The following UGT1A9 variants were observed in gnomAD, a reference collection of about 807,000 sequenced individuals.
UGT1A9 encodes the protein UDP-glucuronosyltransferase 1A9.
Under a neutral mutation model 45.0 loss-of-function variants are expected in UGT1A9, and 35 were observed. The ratio of observed to expected loss-of-function variants is 0.78; its 90% confidence interval spans 0.59 to 1.03. The LOEUF is 1.03. Among genes scored for constraint, UGT1A9 ranks in the 50% least tolerant of loss-of-function variants. UGT1A9 has a pLI of 0.00. For synonymous variants in UGT1A9, 278 were observed against 250.6 expected, an observed-to-expected ratio of 1.11 and a Z score of -1.03; for missense variants, 687 against 666.6, an observed-to-expected ratio of 1.03 and a Z score of -0.34.
chr2:233,755,108 C>T lies in UGT1A9; in HGVS notation c.856-11926C>T, dbSNP rs1275990290. ...CGCGTTTCTACGCGTCCGACAACAC[C>T]TCGTAGGCCTCAGCCACCTGCTTGA... On this transcript the variant is annotated intron_variant, in intron 1 of 4. Transcript: ENST00000354728. 8 of 1,333,390 alleles carry T rather than the reference C, an allele frequency of 6.0e-6. No individual in the cohort carries two copies. In the Admixed American group the frequency reaches 9.5e-5, roughly 16 times the overall value. The allele number at this position is 1,333,390 out of a possible 1,614,324, so 82.6% of individuals were successfully genotyped here. A position where few individuals can be genotyped will look rare whatever the true frequency, so the allele number is the denominator to read the frequency against.
At chr2:233,693,979 G>C (rs888825187) in intron 1 of UGT1A9, 14 of 1,559,440 alleles carry the variant, frequency 9.0e-6, no homozygotes, top group Non-Finnish European at 1.2e-5. Flanking sequence ...AGAAACGGTG[G>C]GGGGAAGTGA....
chr2:233,689,577 A>C (rs1345310099), intron 1 of UGT1A9, among the ~76,000 whole-genome samples: 5 of 152,206 alleles, frequency 3.3e-5, no homozygotes, highest in African/African-American at 4.8e-5. Flanking sequence ...TCTGATTTGC[A>C]ATTAGCTAAG....
rs2077300002 is a variant in UGT1A9 at position 233,724,705 on chromosome 2, G to T, written c.856-42329G>T. On this transcript the variant is annotated intron_variant, in intron 1 of 4. Transcript: ENST00000354728. The stretch of plus-strand genomic sequence containing the variant: ...TGGCGGCCGGGTGAAGACGCTCCTC[G>T]CTTTCCAGACTGGGCAGCCAGGCAG... 1.4e-5 allele frequency among the ~76,000 whole-genome samples: 2 copies of T among 143,500 alleles called. 1 individual carries two copies. Among genetic ancestry groups the T allele is most frequent in the South Asian group, 5.0e-4 (2 of 3,986 alleles). 94.1% of individuals were successfully genotyped at this position (143,500 alleles called of 152,430 possible).
intron 1 of UGT1A9, among the ~76,000 whole-genome samples, chr2:233,738,330 C>T (rs1690764718): frequency 6.6e-6 from 1 of 152,132 alleles, no homozygotes; most frequent in Admixed American, 6.5e-5. Context: ...TGGACTAATA[C>T]AGTAAATTGG....
intron 1 of UGT1A9, among the ~76,000 whole-genome samples, chr2:233,757,344 G>C (rs1023299797): frequency 6.6e-6 from 1 of 150,900 alleles, no homozygotes; most frequent in Non-Finnish European, 1.5e-5. Flanking sequence ...ATGACAGCTG[G>C]GTCTGAGAGA....
At chr2:233,712,927 GA>G in intron 1 of UGT1A9, 25 of 1,612,018 alleles carry the variant, frequency 1.6e-5, no homozygotes, top group Non-Finnish European at 2.0e-5. Flanking sequence ...TAATTAAGAC[GA>G]AGGAAACAAT....
intron 1 of UGT1A9, chr2:233,760,404 C>T (rs1211296854): frequency 1.2e-6 from 2 of 1,614,220 alleles, no homozygotes; most frequent in Non-Finnish European, 8.5e-7. Flanking sequence ...ATGGCAGCCA[C>T]TGGCTGAGCA....
intron 1 of UGT1A9, chr2:233,722,130 G>A (rs1389703029): frequency 1.7e-5 from 3 of 173,394 alleles, no homozygotes; most frequent in African/African-American, 7.1e-5. Context: ...CATTAGTAGA[G>A]TTTAAGACTC....
intron 1 of UGT1A9, among the ~76,000 whole-genome samples, chr2:233,684,688 G>A (rs576173174): frequency 6.6e-6 from 1 of 152,146 alleles, no homozygotes; most frequent in South Asian, 2.1e-4. Context: ...AGGATTTATA[G>A]ATGTGGAAGG....
chr2:233,676,365 C>A (rs544333325), intron 1 of UGT1A9, among the ~76,000 whole-genome samples: 1 of 152,146 alleles, frequency 6.6e-6, no homozygotes, highest in Non-Finnish European at 1.5e-5. Flanking sequence ...AGGATTATAG[C>A]AAGGTTACAA....
In UGT1A9 at chr2:233,772,305, C is replaced by T. The variant is rs201427749; in HGVS notation, c.1339C>T (p.Arg447Cys). Reference protein sequence around the residue: ...IMRLSSLHKDRPVEPLDLAVF... With the variant: ...IMRLSSLHKDCPVEPLDLAVF... Reference sequence around the variant, plus strand: ...GCGCCTCTCCAGCCTTCACAAGGACCGCCCGGTGGAGCCGCTGGACCTGGC... The same window carrying T: ...GCGCCTCTCCAGCCTTCACAAGGACTGCCCGGTGGAGCCGCTGGACCTGGC... Residue 447 changes from arginine to cysteine, a missense_variant, in exon 5 of 5, where the codon CGC (arginine) becomes TGC (cysteine). Physicochemically the swap from Arg to Cys is radical, Grantham distance 180. Transcript: ENST00000354728. 2.9e-5 allele frequency: 47 copies of T among 1,614,194 alleles called. No individual in the cohort carries two copies. Among genetic ancestry groups the T allele is most frequent in the Middle Eastern group, 1.6e-4 (1 of 6,062 alleles).
At chr2:233,700,822 T>C (rs536912731) in intron 1 of UGT1A9, among the ~76,000 whole-genome samples, 7 of 152,144 alleles carry the variant, frequency 4.6e-5, no homozygotes, top group South Asian at 2.1e-4. Flanking sequence ...GCTGCACCCA[T>C]TAACTCGTCA....
chr2:233,729,180 T>C (rs373402763), intron 1 of UGT1A9: 150 of 1,613,780 alleles, frequency 9.3e-5, no homozygotes, highest in Middle Eastern at 1.7e-4. Flanking sequence ...GACTGCTGCT[T>C]CTCCTCAGTG....
chr2:233,767,712 C>G (rs1699458163), intron 2 of UGT1A9, 137 bp from the exon 3 acceptor site: 1 of 1,533,444 alleles, frequency 6.5e-7, no homozygotes, highest in African/African-American at 1.4e-5. Flanking sequence ...CCTCAGAAGC[C>G]TTCACAGTTA....
At position 233,679,633 on chromosome 2, in the gene UGT1A9, C is replaced by G. The variant is rs145588632; in HGVS notation, c.855+6844C>G. On this transcript the variant is annotated intron_variant, in intron 1 of 4. Coordinates refer to ENST00000354728, the MANE Select transcript of UGT1A9 (RefSeq NM_021027.3). Reference sequence around the variant, plus strand: ...CCTGTTCAGGCAGATATCCTTTGTCCTCAATGCTTTTCTTCATGGCATCTG... The same window carrying G: ...CCTGTTCAGGCAGATATCCTTTGTCGTCAATGCTTTTCTTCATGGCATCTG... Among the ~76,000 whole-genome samples, 3 of 152,182 alleles carry G rather than the reference C, an allele frequency of 2.0e-5. No individual in the cohort carries two copies. In the East Asian group the frequency reaches 5.8e-4, roughly 29 times the overall value.
chr2:233,728,197 T>C (rs2077689695), intron 1 of UGT1A9, among the ~76,000 whole-genome samples: 1 of 152,224 alleles, frequency 6.6e-6, no homozygotes, highest in Non-Finnish European at 1.5e-5. Flanking sequence ...TGGTGCTGGA[T>C]TGACTTGGAG....
chr2:233,719,762 C>T, intron 1 of UGT1A9: 1 of 1,612,248 alleles, frequency 6.2e-7, no homozygotes, highest in Non-Finnish European at 8.5e-7. Context: ...CTTACAAGTG[C>T]TTCCATATCT....
At chr2:233,694,570 C>A (rs1391330789) in intron 1 of UGT1A9, among the ~76,000 whole-genome samples, 1 of 152,164 alleles carries the variant, frequency 6.6e-6, no homozygotes, top group African/African-American at 2.4e-5. Context: ...TTTTAAATTT[C>A]AATGTAAATA....
chr2:233,747,435 T>G, intron 1 of UGT1A9: 1 of 1,608,866 alleles, frequency 6.2e-7, no homozygotes, highest in Non-Finnish European at 8.5e-7. Context: ...AGAGAAATTT[T>G]TCACCCTGAC....
Sources: allele counts gnomAD v4.1 joint callset (sites outside exome capture counted in the v4.1 genomes callset), GRCh38; gene constraint gnomAD v4.1.1; transcripts MANE v1.5; gene names NCBI Gene and HGNC (gene_info 2026-07-23, HGNC 2026-07-21).